CWF19L1: variants seen among roughly 807,000 people sequenced by gnomAD.
CWF19L1 encodes CWF19 like cell cycle control factor 1.
In CWF19L1, 60 loss-of-function variants were observed where a neutral mutation model predicts 69.7. The ratio of observed to expected loss-of-function variants is 0.86; its 90% confidence interval spans 0.70 to 1.07. The LOEUF is 1.07. CWF19L1 is among the 50% of genes least tolerant of loss of function. The pLI, the probability that CWF19L1 is intolerant of heterozygous loss-of-function variation, is 0.00. For synonymous variants in CWF19L1, 209 were observed against 222.2 expected (o/e 0.94, Z 0.53); for missense variants, 591 against 638.9 (o/e 0.92, Z 0.81).
chr10:100,250,830 C>T (rs1847002277), intron 6 of CWF19L1, among the ~76,000 whole-genome samples: 1 of 151,878 alleles, frequency 6.6e-6, no homozygotes, highest in South Asian at 2.1e-4. Context: ...TACCTACAGT[C>T]CCAGCTACTC....
chr10:100,235,777 G>C lies in CWF19L1; in HGVS notation c.1375-13C>G, dbSNP rs779746405. The stretch of plus-strand genomic sequence containing the variant: ...CTGGCTGTGCAATCTAAAGTAAACA[G>C]AGTTGTATGAGGATGTCCAATAATG... On this transcript the variant is annotated splice_polypyrimidine_tract_variant and intron_variant, in intron 12 of 13. Coordinates refer to ENST00000354105, the MANE Select transcript of CWF19L1 (RefSeq NM_018294.6). The C allele has an allele frequency of 2.6e-6, 4 of 1,554,324 alleles. No homozygotes were observed. The highest frequency in any genetic ancestry group is 3.4e-5 in the Admixed American group (2 of 59,558).
At chr10:100,253,871 TTTTGG>T (rs756424685) in intron 5 of CWF19L1, 12 of 192,546 alleles carry the variant, frequency 6.2e-5, no homozygotes, top group Admixed American at 3.7e-4. Context: ...GGGCTTCTAG[TTTTGG>T]TTTGTTTTTT....
At chr10:100,259,824 T>G (rs112916327) in intron 4 of CWF19L1, among the ~76,000 whole-genome samples, 111 of 152,242 alleles carry the variant, frequency 7.3e-4, no homozygotes, top group African/African-American at 2.5e-3. Context: ...AGCCAAAAAT[T>G]TCCTGGGAGA....
chr10:100,237,336 T>C (rs1320667162), intron 11 of CWF19L1: 1 of 474,630 alleles, frequency 2.1e-6, no homozygotes, highest in South Asian at 1.6e-5. Flanking sequence ...TCTGAGCTGC[T>C]AGCCCCATGC....
At chr10:100,241,480 A>T (rs114654405) in intron 10 of CWF19L1, among the ~76,000 whole-genome samples, 23 of 152,306 alleles carry the variant, frequency 1.5e-4, no homozygotes, top group African/African-American at 5.5e-4. Flanking sequence ...GAAAGGATCA[A>T]CCCCAGAAAC....
intron 10 of CWF19L1, 88 bp from the exon 11 acceptor site, chr10:100,238,319 G>T (rs1390242268): frequency 2.5e-6 from 3 of 1,193,364 alleles, no homozygotes; most frequent in Non-Finnish European, 3.7e-6. Flanking sequence ...TGAGCCTGAG[G>T]GTGTAGGCGA....
intron 7 of CWF19L1, chr10:100,249,131 A>T: frequency 2.3e-6 from 1 of 435,652 alleles, no homozygotes; most frequent in South Asian, 2.5e-5. Context: ...GATGATTCTT[A>T]ACACTGTCTT....
chr10:100,249,037 C>T lies in CWF19L1; in HGVS notation c.708+1211G>A, dbSNP rs1271896297. On this transcript the variant is annotated intron_variant, in intron 7 of 13. Transcript: ENST00000354105. ...ATACTCTGGGAACATCAGCTCCCTG[C>T]CAGCGGGGCAGTCCATGCTCCTCCA... 1.4e-5 allele frequency: 8 copies of T among 587,428 alleles called. No homozygotes were observed. In the Admixed American group the frequency reaches 1.8e-4, roughly 13 times the overall value. 36.4% of individuals were successfully genotyped at this position (587,428 alleles called of 1,614,324 possible).
chr10:100,236,564 G>A lies in CWF19L1; in HGVS notation c.1374+286C>T, dbSNP rs953832036. 2.6e-5 allele frequency among the ~76,000 whole-genome samples: 4 copies of A among 152,310 alleles called. No individual in the cohort carries two copies. The South Asian group carries it at 8.3e-4, about 32-fold the overall frequency. Reference sequence around the variant, plus strand: ...AGGCAGGCAGATCACAAGGTCAGGAGTTCGAGACCAGCCTGGCCAATATGG... The same window carrying A: ...AGGCAGGCAGATCACAAGGTCAGGAATTCGAGACCAGCCTGGCCAATATGG... On this transcript the variant is annotated intron_variant, in intron 12 of 13. Transcript: ENST00000354105.
Position 100,243,784 on chromosome 10 carries a change from G to T in CWF19L1, c.965-7C>A, listed in dbSNP as rs373509992. On this transcript the variant is annotated splice_polypyrimidine_tract_variant and splice_region_variant and intron_variant, in intron 9 of 13. Transcript: ENST00000354105. ...CAGGGTCCTGGAGGCTGAGCTTCAT[G>T]TAAAAGAAAGCCAGGTGTTACTATG... 1 of 1,613,052 alleles carries T rather than the reference G, an allele frequency of 6.2e-7. No homozygotes were observed. Among genetic ancestry groups the T allele is most frequent in the East Asian group, 2.2e-5 (1 of 44,884 alleles).
intron 7 of CWF19L1, chr10:100,248,738 T>C: frequency 1.6e-6 from 2 of 1,222,346 alleles, no homozygotes; most frequent in Non-Finnish European, 2.4e-6. Flanking sequence ...GCAGCCACCT[T>C]TGGGCTCATC....
chr10:100,255,461 A>T (rs1847178658), intron 5 of CWF19L1, among the ~76,000 whole-genome samples: 1 of 148,240 alleles, frequency 6.7e-6, no homozygotes, highest in Non-Finnish European at 1.5e-5. Flanking sequence ...CCTGGCCAAC[A>T]TGGTGAAATC....
rs545636437 is a variant in CWF19L1, at chr10:100,263,511, C to T, written c.24-1448G>A. 2.0e-5 allele frequency among the ~76,000 whole-genome samples: 3 copies of T among 152,310 alleles called. No homozygotes were observed. The East Asian group carries it at 5.8e-4, about 29-fold the overall frequency. ...ACTTTTATTTATATTTTGAGCACCA[C>T]CTCCTCTAGGAAGCCTTCTAGTACC... On this transcript the variant is annotated intron_variant, in intron 1 of 13. Coordinates refer to ENST00000354105, the MANE Select transcript of CWF19L1 (RefSeq NM_018294.6).
Position 100,262,058 on chromosome 10 carries a change from G to A in CWF19L1, c.29C>T (p.Ala10Val), listed in dbSNP as rs778933003. 82 of 1,609,904 alleles carry A rather than the reference G, an allele frequency of 5.1e-5. 1 individual carries two copies. The highest frequency in any genetic ancestry group is 1.0e-5 in the Non-Finnish European group (12 of 1,179,000). Residue 10 changes from alanine (A) to valine (V), a missense_variant, in exon 2 of 14, where the codon GCT becomes GTT. Physicochemically the swap from Ala to Val is moderately conservative, Grantham distance 64. This residue lies in a region of CWF19L1 where 129 missense variants were observed against 131.3 expected (regional missense o/e 0.98). Coordinates refer to ENST00000354105, the MANE Select transcript of CWF19L1 (RefSeq NM_018294.6). ...AAACTTTCCTTCAACATCTCCACAA[G>A]CCAAGCTGCAAACAAAGAGATAAAC... The part of the protein sequence containing the change: MAQKPLRLL[A>V]CGDVEGKFDI...
Position 100,260,092 on chromosome 10 carries a change from C to T in CWF19L1, c.289+126G>A, listed in dbSNP as rs375247962. 517 of 591,664 alleles carry T rather than the reference C, an allele frequency of 8.7e-4. 3 individuals are homozygous for T. Among genetic ancestry groups the T allele is most frequent in the African/African-American group, 8.6e-3 (450 of 52,276 alleles). 36.7% of individuals were successfully genotyped at this position (591,664 alleles called of 1,614,324 possible). A position where few individuals can be genotyped will look rare whatever the true frequency, so the allele number is the denominator to read the frequency against. The stretch of plus-strand genomic sequence containing the variant: ...CTGAGGCAGGAGAATCACTTGAACC[C>T]GGGAGGTGGAGGTTACAGTGAGCCA... On this transcript the variant is annotated intron_variant, in intron 4 of 13. Coordinates refer to ENST00000354105, the MANE Select transcript of CWF19L1 (RefSeq NM_018294.6).
chr10:100,264,039 A>T (rs962749695), intron 1 of CWF19L1, among the ~76,000 whole-genome samples: 1 of 152,248 alleles, frequency 6.6e-6, no homozygotes, highest in Non-Finnish European at 1.5e-5. Context: ...GTGGTCCCAT[A>T]AGATTATAAT....
chr10:100,238,364 T>C (rs1305725188), intron 10 of CWF19L1, 133 bp from the exon 11 acceptor site: 3 of 712,798 alleles, frequency 4.2e-6, no homozygotes, highest in Non-Finnish European at 2.3e-6. Flanking sequence ...AATTCTTTCT[T>C]GAAAAAATCT....
chr10:100,263,847 C>T (rs1847482960), intron 1 of CWF19L1, among the ~76,000 whole-genome samples: 1 of 152,236 alleles, frequency 6.6e-6, no homozygotes, highest in South Asian at 2.1e-4. Flanking sequence ...CTAATCCCAG[C>T]TGTTCTCTAC....
intron 13 of CWF19L1, among the ~76,000 whole-genome samples, chr10:100,235,441 C>T (rs1846401476): frequency 6.6e-6 from 1 of 152,168 alleles, no homozygotes; most frequent in South Asian, 2.1e-4. Flanking sequence ...AATGAGCTGT[C>T]CCTTTTCTGA....
Sources: gnomAD v4.1 joint callset for allele counts (sites outside exome capture counted in the v4.1 genomes callset) on GRCh38, gnomAD v4.1.1 for gene constraint, gnomAD v4.1.1 regional missense constraint, MANE v1.5 for transcripts, NCBI Gene and HGNC (gene_info 2026-07-23, HGNC 2026-07-21) for gene names.